ATP8A2: variants seen among roughly 807,000 people sequenced by gnomAD.
The protein encoded by ATP8A2 is ATPase phospholipid transporting 8A2, also known as phospholipid-transporting ATPase IB.
ATP8A2 carries 100 observed loss-of-function variants against 165.6 expected under a neutral mutation model. The observed-to-expected ratio is 0.60, with a 90% confidence interval of 0.51 to 0.71. The LOEUF is 0.71. Among genes scored for constraint, ATP8A2 ranks in the 30% least tolerant of loss-of-function variants. ATP8A2 has a pLI of 0.00. For synonymous variants in ATP8A2, 543 were observed against 548.8 expected (o/e 0.99, Z 0.15); for missense variants, 1,227 against 1,479.5 (o/e 0.83, Z 2.80).
chr13:25,865,412 T>G (rs780783823), intron 33 of ATP8A2, among the ~76,000 whole-genome samples: 1 of 152,200 alleles, frequency 6.6e-6, no homozygotes, highest in African/African-American at 2.4e-5. Flanking sequence ...ACAGCATTTC[T>G]CACTCAGAAG....
At position 25,513,318 on chromosome 13, in the gene ATP8A2, C is replaced by T. The variant is rs553545894; in HGVS notation, c.222-16681C>T. On this transcript the variant is annotated intron_variant, in intron 2 of 36. Transcript: ENST00000381655. ...GTAGGGGTGCTCCTCACATCCCAGA[C>T]GGGGCGGTGGGGCAGAGGCGCTCCC... is the stretch of plus-strand genomic sequence containing the variant. Among the ~76,000 whole-genome samples the T allele has an allele frequency of 2.9e-3, 438 of 149,858 alleles. 4 individuals are homozygous for T. Among genetic ancestry groups the T allele is most frequent in the African/African-American group, 9.6e-3 (390 of 40,476 alleles).
intron 35 of ATP8A2, among the ~76,000 whole-genome samples, chr13:25,999,335 C>T (rs1475078986): frequency 6.6e-6 from 1 of 152,112 alleles, no homozygotes; most frequent in Non-Finnish European, 1.5e-5. Flanking sequence ...AAGCTGAGTC[C>T]AAAGTTGCAT....
Position 25,493,528 on chromosome 13 carries a change from G to T in ATP8A2, c.221+24407G>T, listed in dbSNP as rs145085001. ...GCTTAGTTGAGAAAGCTCACTGTGG[G>T]ATTACTAAACATATGCGGGAACCGG... On this transcript the variant is annotated intron_variant, in intron 2 of 36. Coordinates refer to ENST00000381655, the MANE Select transcript of ATP8A2 (RefSeq NM_016529.6). 1.7e-3 allele frequency among the ~76,000 whole-genome samples: 254 copies of T among 152,248 alleles called. 1 individual carries two copies. Among genetic ancestry groups the T allele is most frequent in the African/African-American group, 5.1e-3 (210 of 41,536 alleles).
chr13:25,500,068 G>T (rs1003454643), intron 2 of ATP8A2, among the ~76,000 whole-genome samples: 1 of 152,188 alleles, frequency 6.6e-6, no homozygotes, highest in African/African-American at 2.4e-5. Flanking sequence ...TGGGGGAAGA[G>T]TAGATTATTT....
chr13:25,748,664 A>T (rs1318801691), intron 25 of ATP8A2, among the ~76,000 whole-genome samples: 1 of 152,142 alleles, frequency 6.6e-6, no homozygotes, highest in Non-Finnish European at 1.5e-5. Flanking sequence ...GGGCATTAGC[A>T]TGGGTTTAGA....
At chr13:25,663,257 T>C (rs1001291388) in intron 24 of ATP8A2, among the ~76,000 whole-genome samples, 22 of 152,276 alleles carry the variant, frequency 1.4e-4, no homozygotes, top group Admixed American at 7.2e-4. Context: ...CTTCTGAAAG[T>C]TAATTCAATG....
At chr13:25,433,891 G>A (rs753106266) in intron 1 of ATP8A2, among the ~76,000 whole-genome samples, 8 of 152,146 alleles carry the variant, frequency 5.3e-5, no homozygotes, top group African/African-American at 1.7e-4. Context: ...AAAATATTGC[G>A]TGTTCTCACT....
Position 25,697,181 on chromosome 13 carries a change from A to G in ATP8A2, c.2212-1992A>G, listed in dbSNP as rs573459541. ...ATAAAATGAGGTGTGCCTGTATTATATTAACAAAGAAGGCATTGCTAATGA... is the reference window on the plus strand; with the variant it reads ...ATAAAATGAGGTGTGCCTGTATTATGTTAACAAAGAAGGCATTGCTAATGA... On this transcript the variant is annotated intron_variant, in intron 24 of 36. Coordinates refer to ENST00000381655, the MANE Select transcript of ATP8A2 (RefSeq NM_016529.6). Among the ~76,000 whole-genome samples, 43 of 152,346 alleles carry G rather than the reference A, an allele frequency of 2.8e-4. No homozygotes were observed. The South Asian group carries it at 8.3e-3, about 29-fold the overall frequency.
intron 1 of ATP8A2, among the ~76,000 whole-genome samples, chr13:25,417,228 A>G (rs1342533358): frequency 2.0e-5 from 3 of 152,110 alleles, no homozygotes; most frequent in Non-Finnish European, 4.4e-5. Flanking sequence ...GTTTAGGCTG[A>G]GCCAGGTGTT....
chr13:25,748,261 A>T (rs1403231746), intron 25 of ATP8A2, among the ~76,000 whole-genome samples: 1 of 152,180 alleles, frequency 6.6e-6, no homozygotes, highest in Non-Finnish European at 1.5e-5. Flanking sequence ...ATGCTGTTTC[A>T]TGTTGAAGAT....
intron 35 of ATP8A2, among the ~76,000 whole-genome samples, chr13:26,004,897 G>T (rs957035293): frequency 6.6e-6 from 1 of 151,802 alleles, no homozygotes; most frequent in African/African-American, 2.4e-5. Context: ...CTAATATTTT[G>T]TTGAGGATTT....
At chr13:25,943,666 C>T (rs774822144) in intron 33 of ATP8A2, among the ~76,000 whole-genome samples, 10 of 152,174 alleles carry the variant, frequency 6.6e-5, no homozygotes, top group East Asian at 3.8e-4. Context: ...TGTAACCTGT[C>T]GATCTCTGCC....
intron 1 of ATP8A2, among the ~76,000 whole-genome samples, chr13:25,440,088 T>A (rs1388399000): frequency 6.6e-6 from 1 of 152,054 alleles, no homozygotes; most frequent in East Asian, 1.9e-4. Flanking sequence ...GAGGGGGTGC[T>A]AGTGTTGGCG....
intron 1 of ATP8A2, among the ~76,000 whole-genome samples, chr13:25,466,232 C>T (rs372760376): frequency 6.6e-5 from 10 of 152,018 alleles, no homozygotes; most frequent in South Asian, 4.2e-4. Flanking sequence ...CTACTTTTTC[C>T]CAGTTTGGAC....
chr13:25,480,237 G>C (rs1030229316), intron 2 of ATP8A2, among the ~76,000 whole-genome samples: 10 of 151,192 alleles, frequency 6.6e-5, no homozygotes, highest in South Asian at 4.2e-4. Flanking sequence ...TTCCCAGTAG[G>C]GGCGGCTGGG....
intron 33 of ATP8A2, among the ~76,000 whole-genome samples, chr13:25,887,673 G>C (rs2138880260): frequency 6.6e-6 from 1 of 152,326 alleles, no homozygotes; most frequent in South Asian, 2.1e-4. Context: ...ATTCAGACAA[G>C]AGAGGAAAGG....
intron 27 of ATP8A2, among the ~76,000 whole-genome samples, chr13:25,813,620 C>T (rs1416397793): frequency 1.4e-5 from 2 of 144,438 alleles, no homozygotes; most frequent in African/African-American, 5.2e-5. Context: ...TGAATGGAAT[C>T]TTGTGGAGGT....
At chr13:25,816,104 A>AT (rs1301125133) in intron 27 of ATP8A2, among the ~76,000 whole-genome samples, 15 of 152,212 alleles carry the variant, frequency 9.9e-5, no homozygotes, top group Non-Finnish European at 7.3e-5. Context: ...ATGGGTACAC[A>AT]TCAAGGTAAA....
intron 25 of ATP8A2, among the ~76,000 whole-genome samples, chr13:25,734,990 G>A (rs2043736419): frequency 6.6e-6 from 1 of 152,124 alleles, no homozygotes; most frequent in Admixed American, 6.6e-5. Context: ...TGGCAGAAAG[G>A]AACAAGCGAT....
Sources: allele counts gnomAD v4.1 joint callset (sites outside exome capture counted in the v4.1 genomes callset), GRCh38; gene constraint gnomAD v4.1.1; transcripts MANE v1.5; gene names NCBI Gene and HGNC (gene_info 2026-07-23, HGNC 2026-07-21).